NEO1: variants seen among roughly 807,000 people sequenced by gnomAD.
NEO1 encodes neogenin.
Under a neutral mutation model 159.7 loss-of-function variants are expected in NEO1, and 63 were observed. The ratio of observed to expected loss-of-function variants is 0.39; its 90% CI spans 0.32 to 0.49. The LOEUF (loss-of-function observed/expected upper bound fraction) is 0.49. Among genes scored for constraint, NEO1 ranks in the 20% least tolerant of loss-of-function variants. The pLI, the probability that NEO1 is intolerant of heterozygous loss-of-function variation, is 0.85. For synonymous variants in NEO1, 633 were observed against 662.0 expected (o/e 0.96, Z 0.67); for missense variants, 1,615 against 1,831.0 (o/e 0.88, Z 2.15).
intron 1 of NEO1, among the ~76,000 whole-genome samples, chr15:73,062,742 A>G (rs2068037837): frequency 6.6e-6 from 1 of 152,236 alleles, no homozygotes; most frequent in Non-Finnish European, 1.5e-5. Flanking sequence ...TAAAGTGGAA[A>G]GTGGATTAAA....
chr15:73,060,684 A>G (rs569407157), intron 1 of NEO1, among the ~76,000 whole-genome samples: 15 of 151,796 alleles, frequency 9.9e-5, no homozygotes, highest in African/African-American at 1.2e-4. Context: ...CTCTCACTCT[A>G]TCACCCAGGC....
chr15:73,242,531 G>A (rs2039544189), intron 8 of NEO1, among the ~76,000 whole-genome samples: 1 of 152,078 alleles, frequency 6.6e-6, no homozygotes, highest in Admixed American at 6.6e-5. Flanking sequence ...AGCCGGGCGT[G>A]GTGGTGTGCA....
chr15:73,108,981 T>A (rs2070830619), intron 1 of NEO1, among the ~76,000 whole-genome samples: 1 of 152,132 alleles, frequency 6.6e-6, no homozygotes, highest in Non-Finnish European at 1.5e-5. Flanking sequence ...AGGAACCAGA[T>A]CCTGTAGGCA....
intron 20 of NEO1, 57 bp from the exon 21 acceptor site, chr15:73,274,635 C>T (rs563153310): frequency 1.7e-5 from 27 of 1,584,458 alleles, no homozygotes; most frequent in Non-Finnish European, 2.3e-5. Flanking sequence ...CCTGTCCCAT[C>T]TTCAAAGCTT....
chr15:73,167,384 AG>A (rs2034649554), intron 5 of NEO1, among the ~76,000 whole-genome samples: 1 of 152,076 alleles, frequency 6.6e-6, no homozygotes, highest in Admixed American at 6.5e-5. Context: ...TTGCTTATCA[AG>A]TTGTTCATTT....
At chr15:73,101,871 C>A (rs924370317) in intron 1 of NEO1, among the ~76,000 whole-genome samples, 1 of 152,152 alleles carries the variant, frequency 6.6e-6, no homozygotes, top group Non-Finnish European at 1.5e-5. Context: ...TCCTCTATTG[C>A]AAAGAATATA....
intron 7 of NEO1, among the ~76,000 whole-genome samples, chr15:73,192,856 G>A (rs1301288709): frequency 1.3e-5 from 2 of 151,974 alleles, no homozygotes; most frequent in Non-Finnish European, 2.9e-5. Flanking sequence ...AATGGGATTG[G>A]AAAAACCTGA....
intron 7 of NEO1, among the ~76,000 whole-genome samples, chr15:73,209,594 G>T (rs1442148922): frequency 1.3e-5 from 2 of 152,142 alleles, no homozygotes; most frequent in African/African-American, 4.8e-5. Flanking sequence ...AAATTTTGAG[G>T]ATGAATACTG....
chr15:73,229,376 T>G (rs535661597), intron 7 of NEO1, among the ~76,000 whole-genome samples: 1 of 152,086 alleles, frequency 6.6e-6, no homozygotes, highest in South Asian at 2.1e-4. Context: ...CATTTTTGGA[T>G]TGTTCCTAAA....
chr15:73,127,162 C>T (rs552304152), intron 4 of NEO1, among the ~76,000 whole-genome samples: 3 of 150,604 alleles, frequency 2.0e-5, no homozygotes, highest in South Asian at 4.2e-4. Context: ...ACCCAGGAGG[C>T]GAAGGTTGCA....
chr15:73,118,123 C>G (rs1329341080), intron 2 of NEO1, among the ~76,000 whole-genome samples: 1 of 152,106 alleles, frequency 6.6e-6, no homozygotes, highest in African/African-American at 2.4e-5. Flanking sequence ...CGGCTGTCCC[C>G]CCATATACTA....
intron 7 of NEO1, among the ~76,000 whole-genome samples, chr15:73,235,933 A>G (rs2150853463): frequency 6.6e-6 from 1 of 152,324 alleles, no homozygotes; most frequent in Non-Finnish European, 1.5e-5. Flanking sequence ...AGTTTGACAG[A>G]TGTTGCATGC....
intron 1 of NEO1, among the ~76,000 whole-genome samples, chr15:73,055,435 C>G (rs2067650111): frequency 1.3e-5 from 2 of 152,078 alleles, no homozygotes; most frequent in African/African-American, 4.8e-5. Context: ...CTTTGCTTAC[C>G]TTTTTCAGCA....
intron 1 of NEO1, among the ~76,000 whole-genome samples, chr15:73,085,232 G>A (rs1345408004): frequency 6.6e-6 from 1 of 151,900 alleles, no homozygotes; most frequent in African/African-American, 2.4e-5. Context: ...AATCTTTTGG[G>A]GCTGGCTTCT....
At chr15:73,260,067 CTTT>C (rs11327718) in intron 14 of NEO1, among the ~76,000 whole-genome samples, 3 of 136,366 alleles carry the variant, frequency 2.2e-5, no homozygotes, top group Admixed American at 1.5e-4. Flanking sequence ...CTGTTCAGGT[CTTT>C]TTTTTTTTTT....
chr15:73,251,230 G>A (rs2040048440), intron 11 of NEO1, among the ~76,000 whole-genome samples: 2 of 152,124 alleles, frequency 1.3e-5, no homozygotes, highest in Non-Finnish European at 2.9e-5. Context: ...AAGTTGGGAG[G>A]CTTGGTGCAG....
At chr15:73,141,757 C>T (rs1395042395) in intron 5 of NEO1, among the ~76,000 whole-genome samples, 1 of 152,224 alleles carries the variant, frequency 6.6e-6, no homozygotes, top group African/African-American at 2.4e-5. Context: ...CTCCCCTTTT[C>T]TCTCAGTCTT....
At chr15:73,219,862 C>T (rs2150746579) in intron 7 of NEO1, among the ~76,000 whole-genome samples, 1 of 150,160 alleles carries the variant, frequency 6.7e-6, no homozygotes, top group South Asian at 2.2e-4. Context: ...ACTGATGGGT[C>T]TTGACTCTTT....
rs541393322 is a variant in NEO1, at chr15:73,256,768, A to G, written c.2092+1939A>G. Among the ~76,000 whole-genome samples the G allele has an allele frequency of 5.9e-5, 9 of 152,106 alleles. No homozygotes were observed. The East Asian group carries it at 1.8e-3, about 30-fold the overall frequency. On this transcript the variant is annotated intron_variant, in intron 13 of 28. Coordinates refer to ENST00000261908, the MANE Select transcript of NEO1 (RefSeq NM_002499.4). ...GTAGATGGTGCTGAGAAATATCACT[A>G]AGGGAGCATTGGCCACAGATGTTCT...
Sources: gnomAD v4.1 joint callset for allele counts (sites outside exome capture counted in the v4.1 genomes callset) on GRCh38, gnomAD v4.1.1 for gene constraint, MANE v1.5 for transcripts, NCBI Gene and HGNC (gene_info 2026-07-23, HGNC 2026-07-21) for gene names.